PDXDC1: variants seen among roughly 807,000 people sequenced by gnomAD.
PDXDC1 encodes pyridoxal-dependent decarboxylase domain-containing protein 1.
Under a neutral mutation model 100.1 loss-of-function variants are expected in PDXDC1, and 42 were observed. That is an observed-to-expected ratio of 0.42 (90% confidence interval 0.33 to 0.54). The LOEUF is 0.54. Among genes scored for constraint, PDXDC1 ranks in the 20% least tolerant of loss-of-function variants. PDXDC1 has a pLI of 0.10. For missense variants in PDXDC1, 636 were observed against 979.2 expected (o/e 0.65, Z 4.68); for synonymous variants, 260 against 371.7 (o/e 0.70, Z 3.46).
At chr16:15,059,518 G>A (rs1394005975) in intron 16 of PDXDC1, among the ~76,000 whole-genome samples, 1 of 152,116 alleles carries the variant, frequency 6.6e-6, no homozygotes, top group African/African-American at 2.4e-5. Flanking sequence ...GAGAGGTTAG[G>A]TAACTTGCTC....
chr16:15,129,026 C>T (rs1287305174), intron 16 of PDXDC1, among the ~76,000 whole-genome samples: 1 of 151,356 alleles, frequency 6.6e-6, no homozygotes, highest in Non-Finnish European at 1.5e-5. Flanking sequence ...AGGATGGTCT[C>T]GATCTCCTGA....
downstream of PDXDC1, chr16:15,040,184 C>T (rs2043748330): frequency 5.5e-6 from 3 of 545,370 alleles, no homozygotes; most frequent in African/African-American, 1.9e-5. Flanking sequence ...CAGAATGGCT[C>T]CTAAGTATCT....
In PDXDC1 at chr16:15,014,464, G is replaced by T. The variant is rs1376764528; in HGVS notation, c.728-1665G>T. Among the ~76,000 whole-genome samples the T allele has an allele frequency of 2.6e-5, 4 of 152,402 alleles. No homozygotes were observed. The East Asian group carries it at 7.7e-4, about 29-fold the overall frequency. ...AAATACGAAAAGAGAATCTGCATGC[G>T]ATCCAGGCACTAACACAGCAGTACG... On this transcript the variant is annotated intron_variant, in intron 8 of 22. Coordinates refer to ENST00000396410, the MANE Select transcript of PDXDC1 (RefSeq NM_015027.4).
Position 15,128,264 on chromosome 16 carries a change from T to A in PDXDC1, c.1400-10615T>A, listed in dbSNP as rs772869758. ...CGGATCTTCCACACGCTACCCAGGC[T>A]GTGCGGGGTGGCGATCCGGAAGATG... On this transcript the variant is annotated intron_variant, in intron 16 of 16. Transcript: ENST00000535621. 1.9e-5 allele frequency: 31 copies of A among 1,610,934 alleles called. 1 individual carries two copies. In the South Asian group the frequency reaches 3.3e-4, roughly 17 times the overall value.
rs545135859 is a variant in PDXDC1, at chr16:15,054,881, G to C, written c.1399+24825G>C. On this transcript the variant is annotated intron_variant, in intron 16 of 16. Transcript: ENST00000535621. ...AATCACAAACTGTACAGCTGTGACA[G>C]ATGAAACCTCTAAATGCCTTCCCCA... Among the ~76,000 whole-genome samples the C allele has an allele frequency of 6.6e-5, 10 of 152,340 alleles. No homozygotes were observed. The East Asian group carries it at 1.3e-3, about 21-fold the overall frequency.
rs1320066188 is a variant in PDXDC1 at position 15,079,752 on chromosome 16, C to G, written c.1399+49696C>G. ...GGATTACAGGCACCCACCATCATGC[C>G]TGGCTAATTTTTTATTTGTATTTTT... On this transcript the variant is annotated intron_variant, in intron 16 of 16. Coordinates refer to the PDXDC1 transcript ENST00000535621. Among the ~76,000 whole-genome samples the G allele has an allele frequency of 3.3e-5, 5 of 152,176 alleles. No individual in the cohort carries two copies. The East Asian group carries it at 7.7e-4, about 23-fold the overall frequency.
intron 5 of PDXDC1, 36 bp downstream of exon 5, chr16:15,004,369 T>C (rs1286309335): frequency 6.2e-7 from 1 of 1,612,708 alleles, no homozygotes; most frequent in South Asian, 1.1e-5. Flanking sequence ...AAGACTTTTA[T>C]GAGTCGGGTG....
intron 1 of PDXDC1, among the ~76,000 whole-genome samples, chr16:14,986,197 G>A (rs1220899572): frequency 1.3e-5 from 2 of 152,294 alleles, no homozygotes; most frequent in African/African-American, 4.8e-5. Context: ...TTCTGGCTGG[G>A]TGCAGAGGCT....
At chr16:15,061,751 G>A (rs780213623) in intron 16 of PDXDC1, 3 of 1,611,082 alleles carry the variant, frequency 1.9e-6, no homozygotes, top group South Asian at 1.1e-5. Context: ...CCGTCAGAGG[G>A]GACTGGGTTG....
intron 16 of PDXDC1, chr16:15,061,490 T>G: frequency 2.5e-6 from 1 of 397,006 alleles, no homozygotes; most frequent in Non-Finnish European, 4.5e-6. Flanking sequence ...AAGCAAATCC[T>G]TCCAAATGTA....
chr16:14,987,464 A>G (rs1291374765), intron 1 of PDXDC1, among the ~76,000 whole-genome samples: 1 of 152,298 alleles, frequency 6.6e-6, no homozygotes, highest in Non-Finnish European at 1.5e-5. Context: ...TGCCTGGAAT[A>G]TAGTAAGCAA....
intron 4 of PDXDC1, among the ~76,000 whole-genome samples, chr16:15,002,794 C>G (rs1210017659): frequency 6.6e-6 from 1 of 152,172 alleles, no homozygotes; most frequent in Non-Finnish European, 1.5e-5. Flanking sequence ...TATTTCCACA[C>G]TTTTCACCTG....
At chr16:15,099,861 C>A (rs529332817) in intron 16 of PDXDC1, among the ~76,000 whole-genome samples, 1 of 152,298 alleles carries the variant, frequency 6.6e-6, no homozygotes. Context: ...AAAACAGCAG[C>A]CTTTCCTTAG....
rs374830702 is a variant in PDXDC1, at chr16:15,065,317, C to A, written c.1399+35261C>A. On this transcript the variant is annotated intron_variant, in intron 16 of 16. Coordinates refer to the PDXDC1 transcript ENST00000535621. ...CAGCGGTACTCCTAATGACTGGCAGCATCTGGCGATTGTTCCTCTCAATGA... is the reference window on the plus strand; with the variant it reads ...CAGCGGTACTCCTAATGACTGGCAGAATCTGGCGATTGTTCCTCTCAATGA... 5.6e-6 allele frequency: 9 copies of A among 1,613,680 alleles called. No homozygotes were observed. The highest frequency in any genetic ancestry group is 6.8e-6 in the Non-Finnish European group (8 of 1,179,756).
chr16:15,086,524 A>G, intron 16 of PDXDC1: 1 of 1,589,432 alleles, frequency 6.3e-7, no homozygotes, highest in Non-Finnish European at 8.6e-7. Flanking sequence ...CAGCTATCTT[A>G]TATCAATCAT....
intron 3 of PDXDC1, among the ~76,000 whole-genome samples, chr16:15,001,482 C>G (rs1973138308): frequency 6.6e-6 from 1 of 152,270 alleles, no homozygotes; most frequent in African/African-American, 2.4e-5. Context: ...AAGTGAGACC[C>G]TGTCTCAAAA....
intron 16 of PDXDC1, chr16:15,132,724 G>A: frequency 3.9e-6 from 4 of 1,037,044 alleles, no homozygotes; most frequent in Non-Finnish European, 5.9e-6. Flanking sequence ...ATCCTACCAT[G>A]CACTGGGCCA....
At chr16:15,139,798 A>C (rs1187785276), downstream of PDXDC1, among the ~76,000 whole-genome samples, 4 of 152,094 alleles carry the variant, frequency 2.6e-5, no homozygotes, top group Admixed American at 1.3e-4. Flanking sequence ...AAGAAAGAGA[A>C]AGCAAGAAAA....
chr16:15,131,260 C>G, intron 16 of PDXDC1: 3 of 1,588,782 alleles, frequency 1.9e-6, no homozygotes, highest in Non-Finnish European at 2.6e-6. Flanking sequence ...GGTGATGGCG[C>G]GCTCTGAGGC....
Sources: allele counts gnomAD v4.1 joint callset (sites outside exome capture counted in the v4.1 genomes callset), GRCh38; gene constraint gnomAD v4.1.1; transcripts MANE v1.5; gene names NCBI Gene and HGNC (gene_info 2026-07-23, HGNC 2026-07-21).